The following SF3B1 variants were observed in gnomAD, a reference collection of about 807,000 sequenced individuals.
The protein encoded by SF3B1 is splicing factor 3b subunit 1, also known as pre-mRNA processing 10.
SF3B1 carries 12 observed loss-of-function variants against 153.8 expected under a neutral mutation model. The observed-to-expected ratio is 0.08, with a 90% CI of 0.05 to 0.13. SF3B1 has a LOEUF of 0.13. Among genes scored for constraint, SF3B1 ranks in the 10% least tolerant of loss-of-function variants. The pLI is 1.00. For missense variants in SF3B1, 513 were observed against 1,606.1 expected (o/e 0.32, Z 11.63); for synonymous variants, 498 against 525.2 (o/e 0.95, Z 0.71).
At chr2:197,414,146 C>T (rs2085112860) in intron 6 of SF3B1, among the ~76,000 whole-genome samples, 1 of 152,048 alleles carries the variant, frequency 6.6e-6, no homozygotes. Flanking sequence ...ACAGGAAAGA[C>T]CAGGGGAGCA....
At chr2:197,423,688 T>C in intron 2 of SF3B1, 120 bp downstream of exon 2, 1 of 881,084 alleles carries the variant, frequency 1.1e-6, no homozygotes, top group Non-Finnish European at 1.7e-6. Flanking sequence ...AGTAGTTTTA[T>C]CCTCTAAAAG....
intron 6 of SF3B1, among the ~76,000 whole-genome samples, chr2:197,412,486 G>T (rs890878177): frequency 7.9e-5 from 12 of 151,508 alleles, no homozygotes; most frequent in African/African-American, 2.9e-4. Context: ...CTCCTGAGTA[G>T]CTGGGATTAC....
chr2:197,415,928 C>T (rs1452722083), intron 6 of SF3B1, among the ~76,000 whole-genome samples: 6 of 150,990 alleles, frequency 4.0e-5, no homozygotes, highest in Admixed American at 2.0e-4. Flanking sequence ...GCCCCCACCA[C>T]CCCCCATACC....
chr2:197,435,046 C>T (rs1426919470), upstream of SF3B1: 6 of 1,613,980 alleles, frequency 3.7e-6, no homozygotes, highest in Non-Finnish European at 5.1e-6. Context: ...CCAAGAACTT[C>T]CGCTCGTCGC....
At chr2:197,409,306 A>G (rs2085034959) in intron 7 of SF3B1, among the ~76,000 whole-genome samples, 1 of 152,116 alleles carries the variant, frequency 6.6e-6, no homozygotes, top group Non-Finnish European at 1.5e-5. Flanking sequence ...AGGCTGAGGC[A>G]GGAGAATCGC....
chr2:197,403,064 A>G (rs372687584), intron 12 of SF3B1, 29 bp from the exon 13 acceptor site: 2 of 1,453,920 alleles, frequency 1.4e-6, no homozygotes, highest in African/African-American at 1.4e-5. Flanking sequence ...AAGAAGCTAC[A>G]CTTTCACATC....
At chr2:197,404,453 G>A (rs1374402632) in intron 11 of SF3B1, among the ~76,000 whole-genome samples, 2 of 152,010 alleles carry the variant, frequency 1.3e-5, no homozygotes, top group African/African-American at 2.4e-5. Flanking sequence ...GGTGGTGCAC[G>A]CCTGTAGTCC....
intron 21 of SF3B1, 41 bp from the exon 22 acceptor site, chr2:197,398,157 GAA>G (rs764185932): frequency 6.5e-7 from 1 of 1,528,860 alleles, no homozygotes. Context: ...GTGACATTAA[GAA>G]AAGTTTTAAG....
chr2:197,423,808 A>G lies in SF3B1; in HGVS notation c.195T>C (p.Asp65=), dbSNP rs1380560904. ...CTCTTGTACATAATTTGTAACTTAC[A>G]TCTTCAAGTTCAGTTGCAGCAATTG... is the stretch of plus-strand genomic sequence containing the variant. ...VTSIAATELE[D]DDDDYSSSTS... is the part of the protein sequence containing the mutation. The change falls in exon 2 of 25, where the codon GAT becomes GAC. Residue 65 remains aspartate (D), a splice_region_variant and synonymous_variant. Transcript: ENST00000335508. 1 of 1,612,260 alleles carries G rather than the reference A, an allele frequency of 6.2e-7. No homozygotes were observed. The highest frequency in any genetic ancestry group is 2.2e-5 in the East Asian group (1 of 44,876).
rs2105973885 is a variant in SF3B1 at position 197,392,473 on chromosome 2, G to C, written c.3757-12C>G. 1 of 1,283,044 alleles carries C rather than the reference G, an allele frequency of 7.8e-7. No individual in the cohort carries two copies. Among genetic ancestry groups the C allele is most frequent in the Non-Finnish European group, 1.1e-6 (1 of 911,714 alleles). 79.5% of individuals were successfully genotyped at this position (1,283,044 alleles called of 1,614,324 possible). A position where few individuals can be genotyped will look rare whatever the true frequency, so the allele number is the denominator to read the frequency against. On this transcript the variant is annotated splice_polypyrimidine_tract_variant and intron_variant, in intron 24 of 24. Transcript: ENST00000335508. ...GGGTGAAACAGACCCTAAAATAATTGAACGGTTACATTATTTCAATTTTTA... is the reference window on the plus strand; with the variant it reads ...GGGTGAAACAGACCCTAAAATAATTCAACGGTTACATTATTTCAATTTTTA...
intron 1 of SF3B1, among the ~76,000 whole-genome samples, chr2:197,431,695 A>G (rs1171105319): frequency 6.6e-6 from 1 of 152,230 alleles, no homozygotes; most frequent in African/African-American, 2.4e-5. Flanking sequence ...AAAAACAGGA[A>G]GTATATTCTG....
At chr2:197,427,232 T>A (rs2085349032) in intron 1 of SF3B1, among the ~76,000 whole-genome samples, 2 of 152,206 alleles carry the variant, frequency 1.3e-5, no homozygotes, top group South Asian at 4.1e-4. Context: ...CTGTTTGTAG[T>A]TAATTAATCC....
chr2:197,400,807 T>G lies in SF3B1; in HGVS notation c.2626A>C (p.Met876Leu). 6.2e-7 allele frequency: 1 copy of G among 1,613,088 alleles called. No individual in the cohort carries two copies. Among genetic ancestry groups the G allele is most frequent in the Non-Finnish European group, 8.5e-7 (1 of 1,179,194 alleles). Residue 876 changes from methionine (M) to leucine (L), a missense_variant, in exon 18 of 25, where the codon ATG becomes CTG. This residue lies in a region of SF3B1 where 14 missense variants were observed against 17.4 expected (regional missense o/e 0.80). Coordinates refer to ENST00000335508, the MANE Select transcript of SF3B1 (RefSeq NM_012433.4). This position sits in a 1 kb window ranked among gnomAD's most constrained non-coding sequence, Gnocchi z 5.0. ...KMVMETIEKI[M>L]GNLGAADIDH... ...ATATCTGCTGCTCCCAAATTACCCATAATTTTCTCAATTGTCTCCATCACC... is the reference window on the plus strand; with the variant it reads ...ATATCTGCTGCTCCCAAATTACCCAGAATTTTCTCAATTGTCTCCATCACC...
rs747361222 is a variant in SF3B1, at chr2:197,403,783, T to C, written c.1540-19A>G. 1.9e-6 allele frequency: 3 copies of C among 1,544,470 alleles called. No homozygotes were observed. The South Asian group carries it at 3.8e-5, about 20-fold the overall frequency. On this transcript the variant is annotated intron_variant, in intron 11 of 24. Transcript: ENST00000335508. ...ATGCAGCCTGGGAAAAAGAGCAGAG[T>C]AATAGGTGTGGTTTCTTTATAATCA...
intron 6 of SF3B1, among the ~76,000 whole-genome samples, chr2:197,413,055 CTTCT>C (rs2085095756): frequency 6.9e-6 from 1 of 145,400 alleles, no homozygotes; most frequent in African/African-American, 2.5e-5. Context: ...GGAGGACAAA[CTTCT>C]TTCTCTTTCT....
chr2:197,393,591 T>TA (rs2084839318), intron 23 of SF3B1, among the ~76,000 whole-genome samples: 1 of 152,054 alleles, frequency 6.6e-6, no homozygotes, highest in South Asian at 2.1e-4. Context: ...TAGCTGGAAT[T>TA]ACAGGTGTGT....
intron 2 of SF3B1, among the ~76,000 whole-genome samples, chr2:197,421,936 T>A (rs1416741321): frequency 6.6e-6 from 1 of 152,138 alleles, no homozygotes; most frequent in Non-Finnish European, 1.5e-5. Context: ...AGGCATGATC[T>A]GGCCACTGCC....
intron 1 of SF3B1, among the ~76,000 whole-genome samples, chr2:197,429,334 AAT>A (rs2085389153): frequency 6.6e-6 from 1 of 152,210 alleles, no homozygotes; most frequent in Non-Finnish European, 1.5e-5. Context: ...TGTGCACATC[AAT>A]AGTTTCTGCC....
rs2084797107 is a variant in SF3B1 at position 197,390,408 on chromosome 2, G to A, written c.*1895C>T. ...TCTCAGTCATTACTGAAGGTCATTT[G>A]ACATCAACCATAGAGAGCAGTGAGA... On this transcript the variant is annotated 3_prime_UTR_variant, in exon 25 of 25. Transcript: ENST00000335508. 6.6e-6 allele frequency: 1 copy of A among 152,176 alleles called. No homozygotes were observed. The highest frequency in any genetic ancestry group is 1.5e-5 in the Non-Finnish European group (1 of 68,042). 9.4% of individuals were successfully genotyped at this position (152,176 alleles called of 1,614,324 possible). A position where few individuals can be genotyped will look rare whatever the true frequency, so the allele number is the denominator to read the frequency against.
Sources: allele counts gnomAD v4.1 joint callset (sites outside exome capture counted in the v4.1 genomes callset), GRCh38; gene constraint gnomAD v4.1.1; regional missense constraint gnomAD v4.1.1; non-coding constraint Gnocchi (gnomAD v3.1); transcripts MANE v1.5; gene names NCBI Gene and HGNC (gene_info 2026-07-23, HGNC 2026-07-21).